The following GNAQ variants were observed in gnomAD, a reference collection of about 807,000 sequenced individuals.
The protein encoded by GNAQ is G protein subunit alpha q.
A neutral mutation model predicts 43.9 loss-of-function variants in GNAQ; 8 were observed. The ratio of observed to expected loss-of-function variants is 0.18; its 90% CI spans 0.11 to 0.33. The LOEUF is 0.33. Ranked by LOEUF, GNAQ falls within the 10% of genes least tolerant of loss-of-function variation. GNAQ has a pLI of 1.00. For synonymous variants in GNAQ, 155 were observed against 170.7 expected, an observed-to-expected ratio of 0.91 and a Z score of 0.71; for missense variants, 158 against 450.8, an observed-to-expected ratio of 0.35 and a Z score of 5.88.
intron 1 of GNAQ, among the ~76,000 whole-genome samples, chr9:78,019,046 G>A (rs534702627): frequency 6.6e-6 from 1 of 152,142 alleles, no homozygotes; most frequent in African/African-American, 2.4e-5. Flanking sequence ...AAAGGACAGA[G>A]CTAGTGATTT....
intron 2 of GNAQ, among the ~76,000 whole-genome samples, chr9:77,869,108 T>C (rs1827995730): frequency 6.6e-6 from 1 of 152,220 alleles, no homozygotes; most frequent in African/African-American, 2.4e-5. Flanking sequence ...ACTGTCTTTG[T>C]CAATATTTAT....
At chr9:77,742,592 A>T (rs549638592) in intron 5 of GNAQ, among the ~76,000 whole-genome samples, 1 of 152,200 alleles carries the variant, frequency 6.6e-6, no homozygotes, top group Admixed American at 6.5e-5. Context: ...GAAAAAAAAA[A>T]ACCAATGTTC....
In GNAQ at chr9:77,717,794, G is replaced by C. The variant is rs1336905427; in HGVS notation, c.*3529C>G. 2 of 231,094 alleles carry C rather than the reference G, an allele frequency of 8.7e-6. No homozygotes were observed. Among genetic ancestry groups the C allele is most frequent in the Admixed American group, 1.1e-4 (2 of 17,640 alleles). 14.3% of individuals were successfully genotyped at this position (231,094 alleles called of 1,614,324 possible). Reference sequence around the variant, plus strand: ...TTCCTTTTGTAGTTGTCATCTGCTAGTAAACAACATATGCAGGTTCTTAAA... The same window carrying C: ...TTCCTTTTGTAGTTGTCATCTGCTACTAAACAACATATGCAGGTTCTTAAA... On this transcript the variant is annotated 3_prime_UTR_variant, in exon 7 of 7. Coordinates refer to ENST00000286548, the MANE Select transcript of GNAQ (RefSeq NM_002072.5).
intron 5 of GNAQ, among the ~76,000 whole-genome samples, chr9:77,757,540 C>T (rs949226443): frequency 4.6e-5 from 7 of 152,198 alleles, no homozygotes; most frequent in African/African-American, 1.7e-4. Flanking sequence ...TCTCTTAGAG[C>T]CCAGCGTCTG....
intron 2 of GNAQ, among the ~76,000 whole-genome samples, chr9:77,828,382 G>T (rs1827240547): frequency 6.6e-6 from 1 of 152,152 alleles, no homozygotes; most frequent in African/African-American, 2.4e-5. Flanking sequence ...CTAACCTATA[G>T]ATCTGGTGAA....
intron 5 of GNAQ, among the ~76,000 whole-genome samples, chr9:77,750,907 C>T (rs1825801372): frequency 6.6e-6 from 1 of 152,148 alleles, no homozygotes; most frequent in Admixed American, 6.5e-5. Context: ...ACATTTTGAA[C>T]AACAGTGAAA....
chr9:77,735,256 T>C (rs1825560042), intron 5 of GNAQ, among the ~76,000 whole-genome samples: 1 of 152,204 alleles, frequency 6.6e-6, no homozygotes, highest in Non-Finnish European at 1.5e-5. Flanking sequence ...CATAACTCAC[T>C]AAAGAACACC....
chr9:77,819,906 G>A (rs756062967), intron 2 of GNAQ, among the ~76,000 whole-genome samples: 22 of 151,570 alleles, frequency 1.5e-4, no homozygotes, highest in Non-Finnish European at 2.7e-4. Flanking sequence ...CCCAGTACTA[G>A]CTGACTGTCA....
intron 5 of GNAQ, among the ~76,000 whole-genome samples, chr9:77,739,652 C>T (rs1387174536): frequency 6.6e-6 from 1 of 152,178 alleles, no homozygotes; most frequent in Non-Finnish European, 1.5e-5. Flanking sequence ...CAGTTTATGG[C>T]ACCACCTAAC....
At chr9:77,854,526 GCTTA>G (rs1168227533) in intron 2 of GNAQ, among the ~76,000 whole-genome samples, 1 of 152,200 alleles carries the variant, frequency 6.6e-6, no homozygotes, top group African/African-American at 2.4e-5. Context: ...GTCTGTTCAT[GCTTA>G]CTCTTTCTCT....
intron 1 of GNAQ, among the ~76,000 whole-genome samples, chr9:77,928,146 C>G (rs954105046): frequency 6.6e-6 from 1 of 152,200 alleles, no homozygotes; most frequent in Non-Finnish European, 1.5e-5. Context: ...GTGTTGTCCA[C>G]ATTCCAGGCT....
intron 1 of GNAQ, among the ~76,000 whole-genome samples, chr9:77,962,077 A>G (rs1282511045): frequency 6.6e-6 from 1 of 152,192 alleles, no homozygotes; most frequent in African/African-American, 2.4e-5. Flanking sequence ...TGAGACTGAA[A>G]AGAAAACATA....
chr9:77,727,344 G>T (rs891241978), intron 6 of GNAQ, among the ~76,000 whole-genome samples: 1 of 152,128 alleles, frequency 6.6e-6, no homozygotes. Context: ...GGCAGCAGTC[G>T]TGACTCTCAC....
chr9:77,843,043 G>A (rs922729759), intron 2 of GNAQ, among the ~76,000 whole-genome samples: 3 of 152,116 alleles, frequency 2.0e-5, no homozygotes, highest in African/African-American at 4.8e-5. Flanking sequence ...TAAGGTATGC[G>A]TAATCTGATT....
intron 5 of GNAQ, among the ~76,000 whole-genome samples, chr9:77,767,093 TA>T (rs1351634242): frequency 5.9e-5 from 9 of 152,124 alleles, no homozygotes. Context: ...GGGTCTGTCA[TA>T]AACCAAATAA....
At chr9:77,902,556 A>C (rs1828631663) in intron 2 of GNAQ, among the ~76,000 whole-genome samples, 1 of 152,240 alleles carries the variant, frequency 6.6e-6, no homozygotes, top group Non-Finnish European at 1.5e-5. Flanking sequence ...TAAAATACTA[A>C]AAAGGAAAAC....
intron 2 of GNAQ, among the ~76,000 whole-genome samples, chr9:77,850,821 C>T (rs1827663598): frequency 1.3e-5 from 2 of 152,120 alleles, no homozygotes; most frequent in Non-Finnish European, 2.9e-5. Flanking sequence ...GCCTCCTTTT[C>T]TCTGCAGGCT....
intron 1 of GNAQ, among the ~76,000 whole-genome samples, chr9:77,971,765 G>T (rs528319893): frequency 6.6e-6 from 1 of 152,292 alleles, no homozygotes; most frequent in South Asian, 2.1e-4. Flanking sequence ...ATATAGTATT[G>T]GAAGTTCTGG....
chr9:77,832,602 A>G (rs117630157), intron 2 of GNAQ, among the ~76,000 whole-genome samples: 61 of 152,368 alleles, frequency 4.0e-4, no homozygotes, highest in Non-Finnish European at 7.8e-4. Context: ...ACTCAAAACT[A>G]TAACAAGTAA....
Sources: gnomAD v4.1 joint callset for allele counts (sites outside exome capture counted in the v4.1 genomes callset) on GRCh38, gnomAD v4.1.1 for gene constraint, MANE v1.5 for transcripts, NCBI Gene and HGNC (gene_info 2026-07-23, HGNC 2026-07-21) for gene names.